Variants in SERINC5 observed in about 807,000 individuals in gnomAD.
SERINC5 encodes serine incorporator 5, also known as chromosome 5 open reading frame 12.
Under a neutral mutation model 63.1 loss-of-function variants are expected in SERINC5, and 41 were observed. The observed-to-expected ratio is 0.65, with a 90% CI of 0.51 to 0.84. SERINC5 has a LOEUF of 0.84. Ranked by LOEUF, SERINC5 falls within the 40% of genes least tolerant of loss-of-function variation. The pLI is 0.00. For missense variants in SERINC5, 523 were observed against 573.0 expected (o/e 0.91, Z 0.89); for synonymous variants, 222 against 215.2 (o/e 1.03, Z -0.28).
rs983582933 is a variant in SERINC5, at chr5:80,140,972, G to A, written c.*2691C>T. 2.1e-5 allele frequency: 21 copies of A among 985,144 alleles called. No homozygotes were observed. The Admixed American group carries it at 4.3e-4, about 20-fold the overall frequency. The allele number at this position is 985,144 out of a possible 1,614,324, so 61.0% of individuals were successfully genotyped here. A position where few individuals can be genotyped will look rare whatever the true frequency, so the allele number is the denominator to read the frequency against. On this transcript the variant is annotated 3_prime_UTR_variant, in exon 12 of 12. Transcript: ENST00000507668. Reference sequence around the variant, plus strand: ...TCAGTGAGTTAATCAAATTAACACCGTTGTTATAGGAACTCAAAGCCATTG... The same window carrying A: ...TCAGTGAGTTAATCAAATTAACACCATTGTTATAGGAACTCAAAGCCATTG...
intron 11 of SERINC5, among the ~76,000 whole-genome samples, chr5:80,123,660 C>T (rs768418274): frequency 2.0e-5 from 3 of 152,260 alleles, no homozygotes; most frequent in Non-Finnish European, 2.9e-5. Flanking sequence ...AACTTAAAAG[C>T]GGAGCTGCTG....
chr5:80,178,182 AAC>A (rs1365946679), intron 2 of SERINC5, 118 bp from the exon 3 acceptor site: 4 of 577,084 alleles, frequency 6.9e-6, no homozygotes, highest in Non-Finnish European at 1.2e-5. Flanking sequence ...TGCATAAAGA[AAC>A]AGACTGAGGA....
chr5:80,173,549 T>C (rs1249476731), intron 5 of SERINC5, among the ~76,000 whole-genome samples: 3 of 152,150 alleles, frequency 2.0e-5, no homozygotes, highest in East Asian at 1.9e-4. Flanking sequence ...TGAGCCGAGA[T>C]TGTGCCACTG....
At chr5:80,160,637 T>C (rs558582954) in intron 7 of SERINC5, among the ~76,000 whole-genome samples, 32 of 152,330 alleles carry the variant, frequency 2.1e-4, no homozygotes, top group African/African-American at 7.2e-4. Context: ...GCTTTTAGTG[T>C]ATCTATCACC....
At position 80,132,080 on chromosome 5, in the gene SERINC5, C is replaced by T. The variant is rs550136474; in HGVS notation, c.1238+14010G>A. Reference sequence around the variant, plus strand: ...AGCTTTCAAGCCAGCCAGTTGAAGCCGCGGACACCAGATAACAGAGATGAG... The same window carrying T: ...AGCTTTCAAGCCAGCCAGTTGAAGCTGCGGACACCAGATAACAGAGATGAG... On this transcript the variant is annotated intron_variant, in intron 11 of 12. Coordinates refer to the SERINC5 transcript ENST00000509193. Among the ~76,000 whole-genome samples, 33 of 152,200 alleles carry T rather than the reference C, an allele frequency of 2.2e-4. No homozygotes were observed. In the East Asian group the frequency reaches 5.6e-3, roughly 26 times the overall value.
In SERINC5 at chr5:80,146,215, C is replaced by T. The variant is rs758108055; in HGVS notation, c.1113G>A (p.Pro371=). The T allele has an allele frequency of 7.4e-6, 12 of 1,613,868 alleles. No individual in the cohort carries two copies. Among genetic ancestry groups the T allele is most frequent in the African/African-American group, 5.3e-5 (4 of 74,926 alleles). Residue 371 remains proline (P), a synonymous_variant, in exon 11 of 12, where the codon CCG becomes CCA. Coordinates refer to ENST00000507668, the MANE Select transcript of SERINC5 (RefSeq NM_001174072.3). Reference sequence around the variant, plus strand: ...AAATGACCCGTGGTCCCTCCTTCCCCGGCTGCTGCTCTTCAGTGTCTGTGA... The same window carrying T: ...AAATGACCCGTGGTCCCTCCTTCCCTGGCTGCTGCTCTTCAGTGTCTGTGA... ...PGGEDTEEQQ[P]GKEGPRVIYD... is the part of the protein sequence containing the mutation.
At chr5:80,176,050 G>A (rs935338988) in intron 4 of SERINC5, among the ~76,000 whole-genome samples, 5 of 151,700 alleles carry the variant, frequency 3.3e-5, no homozygotes, top group South Asian at 4.2e-4. Flanking sequence ...GTGGTGGTGC[G>A]TGCCTATAGT....
At chr5:80,231,017 G>C (rs1206520128) in intron 1 of SERINC5, among the ~76,000 whole-genome samples, 2 of 151,832 alleles carry the variant, frequency 1.3e-5, no homozygotes, top group African/African-American at 4.8e-5. Context: ...TTGCCCGGCT[G>C]GTCTCGAACT....
At chr5:80,199,609 G>T (rs543386907) in intron 2 of SERINC5, among the ~76,000 whole-genome samples, 13 of 152,294 alleles carry the variant, frequency 8.5e-5, no homozygotes, top group African/African-American at 3.1e-4. Flanking sequence ...TGGTAATCAG[G>T]TGTGAATATT....
rs1346317613 is a variant in SERINC5, at chr5:80,139,391, A to C, written c.*4272T>G. The C allele has an allele frequency of 1.0e-6, 1 of 985,250 alleles. No homozygotes were observed. The highest frequency in any genetic ancestry group is 6.1e-5 in the Admixed American group (1 of 16,284). 61.0% of individuals were successfully genotyped at this position (985,250 alleles called of 1,614,324 possible). A position where few individuals can be genotyped will look rare whatever the true frequency, so the allele number is the denominator to read the frequency against. ...TTTATCCCAAAGGATTACCTTAAAG[A>C]GTTCTTCCATCATTTTACTCATGTG... On this transcript the variant is annotated 3_prime_UTR_variant, in exon 12 of 12. Coordinates refer to ENST00000507668, the MANE Select transcript of SERINC5 (RefSeq NM_001174072.3).
chr5:80,238,103 CAAAAAAA>C (rs759062486), intron 1 of SERINC5, among the ~76,000 whole-genome samples: 3 of 65,676 alleles, frequency 4.6e-5, no homozygotes, highest in Non-Finnish European at 6.1e-5. Flanking sequence ...GACTCTGTCT[CAAAAAAA>C]AAAAAAAAAA....
At chr5:80,145,048 A>T (rs1745729491) in intron 11 of SERINC5, among the ~76,000 whole-genome samples, 1 of 149,042 alleles carries the variant, frequency 6.7e-6, no homozygotes, top group South Asian at 2.1e-4. Context: ...ATTTATGTTA[A>T]AAAAAAAATT....
At chr5:80,249,920 T>C (rs893787174) in intron 1 of SERINC5, among the ~76,000 whole-genome samples, 36 of 152,234 alleles carry the variant, frequency 2.4e-4, no homozygotes, top group African/African-American at 8.7e-4. Context: ...TCACAAATAC[T>C]TCCCACATTG....
intron 1 of SERINC5, among the ~76,000 whole-genome samples, chr5:80,245,355 G>C (rs941525260): frequency 2.0e-5 from 3 of 152,164 alleles, no homozygotes; most frequent in African/African-American, 7.2e-5. Context: ...GTGCTCCCCT[G>C]CATGGGCTCA....
At chr5:80,252,651 A>T (rs528071646) in intron 1 of SERINC5, among the ~76,000 whole-genome samples, 2 of 152,310 alleles carry the variant, frequency 1.3e-5, no homozygotes, top group East Asian at 1.9e-4. Context: ...CACTAATAAG[A>T]TTTGGGGGGT....
rs1747943085 is a variant in SERINC5, at chr5:80,175,053, A to G, written c.458-6T>C. ...GGCTCCCACATAGCGCCAGGCTGCA[A>G]AAGACCATGAAGAACACAATGAGGC... On this transcript the variant is annotated splice_polypyrimidine_tract_variant and splice_region_variant and intron_variant, in intron 4 of 11. Transcript: ENST00000507668. The G allele has an allele frequency of 1.3e-6, 2 of 1,575,008 alleles. No homozygotes were observed. The highest frequency in any genetic ancestry group is 1.7e-6 in the Non-Finnish European group (2 of 1,158,914).
At chr5:80,114,124 C>T (rs1429944604) in intron 11 of SERINC5, among the ~76,000 whole-genome samples, 2 of 152,032 alleles carry the variant, frequency 1.3e-5, no homozygotes, top group Non-Finnish European at 2.9e-5. Context: ...GAAAGCTAAA[C>T]GTCTTCACCT....
chr5:80,236,398 G>A (rs1034476535), intron 1 of SERINC5, among the ~76,000 whole-genome samples: 10 of 151,922 alleles, frequency 6.6e-5, no homozygotes, highest in African/African-American at 1.9e-4. Flanking sequence ...CAGCTACACC[G>A]CCTCTGAACT....
intron 8 of SERINC5, among the ~76,000 whole-genome samples, chr5:80,153,693 C>T (rs1746332271): frequency 1.3e-5 from 2 of 151,836 alleles, no homozygotes; most frequent in African/African-American, 2.4e-5. Flanking sequence ...TAAGACAATG[C>T]TTTATTGTAC....
Sources: allele counts gnomAD v4.1 joint callset (sites outside exome capture counted in the v4.1 genomes callset), GRCh38; gene constraint gnomAD v4.1.1; transcripts MANE v1.5; gene names NCBI Gene and HGNC (gene_info 2026-07-23, HGNC 2026-07-21).